Variants in CTNNA2 observed in about 807,000 individuals in gnomAD.
The protein encoded by CTNNA2 is catenin alpha 2.
Under a neutral mutation model 101.0 loss-of-function variants are expected in CTNNA2, and 42 were observed. The ratio of observed to expected loss-of-function variants is 0.42; its 90% CI spans 0.32 to 0.54. CTNNA2 has a LOEUF of 0.54. CTNNA2 is among the 20% of genes least tolerant of loss of function. The pLI is 0.14. For synonymous variants in CTNNA2, 450 were observed against 456.4 expected (o/e 0.99, Z 0.18); for missense variants, 871 against 1,223.1 (o/e 0.71, Z 4.29).
At chr2:79,741,194 G>A (rs886325908) in intron 2 of CTNNA2, among the ~76,000 whole-genome samples, 2 of 152,120 alleles carry the variant, frequency 1.3e-5, no homozygotes, top group African/African-American at 2.4e-5. Flanking sequence ...TACTAATGGA[G>A]CTAAACTACT....
chr2:79,432,352 C>T (rs560557969), intron 4 of CTNNA2, among the ~76,000 whole-genome samples: 2 of 152,278 alleles, frequency 1.3e-5, no homozygotes, highest in South Asian at 4.1e-4. Context: ...ACCAGGATTC[C>T]AACTCAAGTT....
chr2:80,384,630 A>C lies in CTNNA2; in HGVS notation c.1057-8581A>C, dbSNP rs1330291659. ...TGGGTGTCATGGAAAGAGAGATTTG[A>C]GGAACAGTATGAATCCTTATAGACT... is the stretch of plus-strand genomic sequence containing the variant. On this transcript the variant is annotated intron_variant, in intron 7 of 18. Coordinates refer to ENST00000402739, the MANE Select transcript of CTNNA2 (RefSeq NM_001282597.3). Among the ~76,000 whole-genome samples, 12 of 151,430 alleles carry C rather than the reference A, an allele frequency of 7.9e-5. No homozygotes were observed. The Admixed American group carries it at 7.9e-4, about 10-fold the overall frequency.
chr2:79,885,855 C>A (rs534197280), intron 6 of CTNNA2, among the ~76,000 whole-genome samples: 1 of 152,292 alleles, frequency 6.6e-6, no homozygotes, highest in African/African-American at 2.4e-5. Flanking sequence ...GACTTGGATT[C>A]AGGTATTGGC....
chr2:79,466,431 C>T (rs369259683), intron 4 of CTNNA2, among the ~76,000 whole-genome samples: 2 of 152,260 alleles, frequency 1.3e-5, no homozygotes, highest in African/African-American at 4.8e-5. Context: ...CTGCCTGCCT[C>T]TGTAGACTCC....
intron 7 of CTNNA2, among the ~76,000 whole-genome samples, chr2:79,913,934 G>A (rs867831355): frequency 2.0e-5 from 3 of 150,278 alleles, no homozygotes; most frequent in South Asian, 2.1e-4. Context: ...TTGGGAGGCC[G>A]AGGCGGGCGG....
chr2:80,052,937 G>A (rs1212849466), intron 7 of CTNNA2, among the ~76,000 whole-genome samples: 1 of 152,052 alleles, frequency 6.6e-6, no homozygotes, highest in African/African-American at 2.4e-5. Flanking sequence ...AAATAATGTC[G>A]GGTAGATTTT....
intron 2 of CTNNA2, among the ~76,000 whole-genome samples, chr2:79,699,727 A>T (rs1010405221): frequency 6.7e-6 from 1 of 150,212 alleles, no homozygotes; most frequent in Admixed American, 6.7e-5. Flanking sequence ...CAACTAAAAA[A>T]TTTTGATGCT....
At chr2:79,282,426 G>C (rs1490553620) in intron 2 of CTNNA2, among the ~76,000 whole-genome samples, 2 of 151,250 alleles carry the variant, frequency 1.3e-5, no homozygotes, top group South Asian at 2.1e-4. Context: ...CCCTACAACA[G>C]TCCCCAGAGT....
At chr2:80,647,124 T>C (rs1418260837) in intron 18 of CTNNA2, among the ~76,000 whole-genome samples, 4 of 152,216 alleles carry the variant, frequency 2.6e-5, no homozygotes, top group Admixed American at 6.5e-5. Context: ...TAACACCTCA[T>C]AGAAGCAAGA....
At chr2:80,213,841 G>A (rs1573409759) in intron 7 of CTNNA2, among the ~76,000 whole-genome samples, 1 of 152,226 alleles carries the variant, frequency 6.6e-6, no homozygotes, top group East Asian at 1.9e-4. Flanking sequence ...ATTATTATGT[G>A]GGAGTCTAAG....
chr2:79,522,689 G>GGA (rs1490957465), intron 1 of CTNNA2, among the ~76,000 whole-genome samples: 2 of 152,182 alleles, frequency 1.3e-5, no homozygotes, highest in Non-Finnish European at 2.9e-5. Context: ...CACAGCAGTG[G>GGA]GAGAGGTGGA....
chr2:79,597,421 G>T (rs1007774386), intron 1 of CTNNA2, among the ~76,000 whole-genome samples: 1 of 150,006 alleles, frequency 6.7e-6, no homozygotes, highest in African/African-American at 2.5e-5. Flanking sequence ...GCAGTGAGTC[G>T]AGACGGCGCC....
intron 12 of CTNNA2, among the ~76,000 whole-genome samples, chr2:80,566,833 C>T (rs750824299): frequency 1.3e-5 from 2 of 152,142 alleles, no homozygotes; most frequent in Middle Eastern, 3.2e-3. Context: ...AAACTAATGG[C>T]ATCATCAGGA....
At chr2:79,542,587 A>G (rs1171630065) in intron 1 of CTNNA2, among the ~76,000 whole-genome samples, 4 of 152,150 alleles carry the variant, frequency 2.6e-5, no homozygotes, top group Non-Finnish European at 5.9e-5. Context: ...TCTGAGCCCT[A>G]ATTTACTTAT....
At chr2:80,341,562 C>T (rs1573773979) in intron 7 of CTNNA2, among the ~76,000 whole-genome samples, 2 of 152,160 alleles carry the variant, frequency 1.3e-5, no homozygotes, top group East Asian at 3.9e-4. Context: ...TAGTGAGATT[C>T]TACTTCACAC....
intron 9 of CTNNA2, among the ~76,000 whole-genome samples, chr2:80,432,111 ACACT>A (rs1681589152): frequency 6.6e-6 from 1 of 152,070 alleles, no homozygotes. Flanking sequence ...TTCTTTTTTC[ACACT>A]CAATCTTTAA....
At chr2:79,637,778 C>T (rs532570301) in intron 1 of CTNNA2, among the ~76,000 whole-genome samples, 1 of 152,278 alleles carries the variant, frequency 6.6e-6, no homozygotes, top group East Asian at 1.9e-4. Flanking sequence ...ATATTGAACA[C>T]ATTTCAGGAA....
At chr2:79,950,807 T>C (rs947398334) in intron 7 of CTNNA2, among the ~76,000 whole-genome samples, 4 of 152,226 alleles carry the variant, frequency 2.6e-5, no homozygotes, top group Admixed American at 6.5e-5. Flanking sequence ...AATTTAGCCA[T>C]GTAAGGTAAT....
At chr2:79,410,768 G>T (rs13022854) in intron 4 of CTNNA2, among the ~76,000 whole-genome samples, 45,835 of 145,132 alleles carry the variant, frequency 0.32, 7,270 homozygotes, top group South Asian at 0.4. Flanking sequence ...TCTCTTTTTT[G>T]GTTGTGTCTC....
Sources: allele counts gnomAD v4.1 joint callset (sites outside exome capture counted in the v4.1 genomes callset), GRCh38; gene constraint gnomAD v4.1.1; transcripts MANE v1.5; gene names NCBI Gene and HGNC (gene_info 2026-07-23, HGNC 2026-07-21).